SNAPC4: variants seen among roughly 807,000 people sequenced by gnomAD.
SNAPC4 encodes the protein snRNA-activating protein complex subunit 4.
A neutral mutation model predicts 151.3 loss-of-function variants in SNAPC4; 127 were observed. The observed-to-expected ratio is 0.84, with a 90% CI of 0.73 to 0.97. The LOEUF (loss-of-function observed/expected upper bound fraction) is 0.97. SNAPC4 is among the 50% of genes least tolerant of loss of function. SNAPC4 has a pLI of 0.00. For missense variants in SNAPC4, 2,186 were observed against 1,935.0 expected (o/e 1.13, Z -2.43); for synonymous variants, 1,002 against 824.4 (o/e 1.22, Z -3.69).
rs1305824830 is a variant in SNAPC4, at chr9:136,391,934, GC to G, written c.975+7del. ...TCCTGGCCCCTGGGGTCCAGGCCAG[GC>G]CCTTACCCCCAGCTCCTCTGCAATC... On this transcript the variant is annotated splice_region_variant and intron_variant, in intron 10 of 23. Coordinates refer to ENST00000684778, the MANE Select transcript of SNAPC4 (RefSeq NM_003086.4). 1 of 1,600,108 alleles carries G rather than the reference GC, an allele frequency of 6.2e-7. No individual in the cohort carries two copies. The highest frequency in any genetic ancestry group is 2.2e-5 in the East Asian group (1 of 44,876).
chr9:136,382,774 G>A (rs982632719), intron 16 of SNAPC4, among the ~76,000 whole-genome samples: 4 of 152,226 alleles, frequency 2.6e-5, no homozygotes, highest in Non-Finnish European at 5.9e-5. Flanking sequence ...ACACGGTGAA[G>A]ACCAGCCAAG....
intron 14 of SNAPC4, 119 bp downstream of exon 14, chr9:136,384,601 G>A (rs1321657529): frequency 2.0e-5 from 11 of 560,668 alleles, no homozygotes; most frequent in Non-Finnish European, 1.8e-5. Flanking sequence ...GTGGGCTATG[G>A]TCGCACCACC....
Position 136,384,920 on chromosome 9 carries a change from G to A in SNAPC4, c.1326-106C>T, listed in dbSNP as rs540443293. The A allele has an allele frequency of 3.0e-5, 18 of 590,360 alleles. 1 individual carries two copies. The South Asian group carries it at 3.7e-4, about 12-fold the overall frequency. 36.6% of individuals were successfully genotyped at this position (590,360 alleles called of 1,614,324 possible). On this transcript the variant is annotated intron_variant, in intron 13 of 23. Coordinates refer to ENST00000684778, the MANE Select transcript of SNAPC4 (RefSeq NM_003086.4). ...CTTGGATATGACACTAAAGGCGCAA[G>A]CAACAAAAGAAAACTACAGATAAAG...
At position 136,398,386 on chromosome 9, in the gene SNAPC4, T is replaced by C. The variant is rs899829197; in HGVS notation, c.43A>G (p.Lys15Glu). Residue 15 changes from lysine (K) to glutamate (E), a missense_variant, in exon 2 of 24, where the codon AAG becomes GAG. Physicochemically the swap from Lys to Glu is moderately conservative, Grantham distance 56. Coordinates refer to ENST00000684778, the MANE Select transcript of SNAPC4 (RefSeq NM_003086.4). Reference sequence around the variant, plus strand: ...GGATCCAAAATCCTTTCCAGCTCCTTGATCTCCTGTGTTATCTTCTCTCTT... The same window carrying C: ...GGATCCAAAATCCTTTCCAGCTCCTCGATCTCCTGTGTTATCTTCTCTCTT... ...AEREKITQEI[K>E]ELERILDPGS... The C allele has an allele frequency of 2.5e-6, 4 of 1,613,862 alleles. No homozygotes were observed. The African/African-American group carries it at 5.3e-5, about 22-fold the overall frequency.
At chr9:136,380,214 T>C (rs573017218) in intron 20 of SNAPC4, among the ~76,000 whole-genome samples, 105 of 151,962 alleles carry the variant, frequency 6.9e-4, no homozygotes, top group Non-Finnish European at 7.7e-4. Flanking sequence ...CCTGGCCTTG[T>C]TCCCCCTGCC....
intron 21 of SNAPC4, among the ~76,000 whole-genome samples, chr9:136,379,540 G>C (rs1243671603): frequency 6.6e-6 from 1 of 152,228 alleles, no homozygotes; most frequent in African/African-American, 2.4e-5. Flanking sequence ...TGCTGGCTGA[G>C]ATCAGCCGGC....
At position 136,382,278 on chromosome 9, in the gene SNAPC4, T is replaced by G; in HGVS notation, c.2042A>C (p.Asn681Thr). Residue 681 changes from asparagine (N) to threonine (T), a missense_variant, in exon 17 of 24, where the codon AAC becomes ACC. Asn to Thr is a moderately conservative substitution (Grantham distance 65). Transcript: ENST00000684778. ...VETVLRVLRA[N>T]TAARSCTQKE... Reference sequence around the variant, plus strand: ...CTGTGTGCAGCTCCGAGCAGCCGTGTTGGCCCTGAGCACCCTCAGCACGGT... The same window carrying G: ...CTGTGTGCAGCTCCGAGCAGCCGTGGTGGCCCTGAGCACCCTCAGCACGGT... 3 of 1,612,982 alleles carry G rather than the reference T, an allele frequency of 1.9e-6. No homozygotes were observed. The highest frequency in any genetic ancestry group is 2.5e-6 in the Non-Finnish European group (3 of 1,179,926).
chr9:136,378,046 G>A lies in SNAPC4; in HGVS notation c.3781C>T (p.Gln1261Ter). ...ALDLEKPPLPQPGPEKGALDL... is the reference protein window; with the variant it reads ...ALDLEKPPLP ...AGGGCCCCCTTCTCAGGCCCAGGCT[G>A]GGGTAGGGGCGGCTTCTCCAGGTCC... Residue 1261 changes from glutamine to a stop codon, truncating the protein, a stop_gained, in exon 22 of 24, where the codon CAG (glutamine) becomes TAG (stop). Coordinates refer to ENST00000684778, the MANE Select transcript of SNAPC4 (RefSeq NM_003086.4). LOFTEE classifies it high-confidence loss of function. 3 of 1,583,588 alleles carry A rather than the reference G, an allele frequency of 1.9e-6. No homozygotes were observed. The highest frequency in any genetic ancestry group is 2.6e-6 in the Non-Finnish European group (3 of 1,165,750).
At chr9:136,393,392 G>T (rs1013111943) in intron 7 of SNAPC4, among the ~76,000 whole-genome samples, 20 of 152,228 alleles carry the variant, frequency 1.3e-4, no homozygotes, top group African/African-American at 4.8e-4. Flanking sequence ...GAAGACAGAT[G>T]GGGACCTGCT....
rs200938695 is a variant in SNAPC4, at chr9:136,378,199, C to G, written c.3628G>C (p.Gly1210Arg). ...PPWSGRLPAFGGVIPATEPRG... is the reference protein window; with the variant it reads ...PPWSGRLPAFRGVIPATEPRG... ...GGCTCAGTTGCTGGGATGACACCAC[C>G]GAAGGCTGGCAGCCTCCCGGACCAA... The change falls in exon 22 of 24, where the codon GGT becomes CGT. Residue 1210 changes from glycine (G) to arginine (R), a missense_variant. Gly to Arg is a moderately radical substitution (Grantham distance 125). Coordinates refer to ENST00000684778, the MANE Select transcript of SNAPC4 (RefSeq NM_003086.4). 22 of 1,612,100 alleles carry G rather than the reference C, an allele frequency of 1.4e-5. No homozygotes were observed. The South Asian group carries it at 2.2e-4, about 16-fold the overall frequency.
At position 136,387,860 on chromosome 9, in the gene SNAPC4, G is replaced by A. The variant is rs370652473; in HGVS notation, c.1124-12C>T. On this transcript the variant is annotated splice_polypyrimidine_tract_variant and intron_variant, in intron 11 of 23. Coordinates refer to ENST00000684778, the MANE Select transcript of SNAPC4 (RefSeq NM_003086.4). ...CATATAGTAGACAACTAGGGACAGA[G>A]GAACAGGGAGGTCCTGTGGGGCCGA... The A allele has an allele frequency of 9.1e-6, 13 of 1,435,088 alleles. No homozygotes were observed. Among genetic ancestry groups the A allele is most frequent in the African/African-American group, 7.0e-5 (5 of 71,196 alleles). 88.9% of individuals were successfully genotyped at this position (1,435,088 alleles called of 1,614,324 possible).
At position 136,384,312 on chromosome 9, in the gene SNAPC4, T is replaced by A. The variant is rs138840467; in HGVS notation, c.1421-280A>T. Among the ~76,000 whole-genome samples the A allele has an allele frequency of 6.6e-5, 10 of 152,274 alleles. No homozygotes were observed. The East Asian group carries it at 1.9e-3, about 29-fold the overall frequency. Reference sequence around the variant, plus strand: ...CTCACATATCTGCTCCCCCCAGGCTTCCGCACCAGCCACCTCCCACGATTC... The same window carrying A: ...CTCACATATCTGCTCCCCCCAGGCTACCGCACCAGCCACCTCCCACGATTC... On this transcript the variant is annotated intron_variant, in intron 14 of 23. Coordinates refer to ENST00000684778, the MANE Select transcript of SNAPC4 (RefSeq NM_003086.4).
At position 136,385,530 on chromosome 9, in the gene SNAPC4, G is replaced by A. The variant is rs373618883; in HGVS notation, c.1326-716C>T. Among the ~76,000 whole-genome samples, 47 of 151,730 alleles carry A rather than the reference G, an allele frequency of 3.1e-4. No individual in the cohort carries two copies. The East Asian group carries it at 5.0e-3, about 16-fold the overall frequency. ...ATGTTGTATCAGAATTTACAGAAACGCGGTATTTATATGAGAATCCCACTC... is the reference window on the plus strand; with the variant it reads ...ATGTTGTATCAGAATTTACAGAAACACGGTATTTATATGAGAATCCCACTC... On this transcript the variant is annotated intron_variant, in intron 13 of 23. Coordinates refer to ENST00000684778, the MANE Select transcript of SNAPC4 (RefSeq NM_003086.4).
At chr9:136,377,161 A>G (rs1013602761) in intron 22 of SNAPC4, among the ~76,000 whole-genome samples, 4 of 151,924 alleles carry the variant, frequency 2.6e-5, no homozygotes, top group Non-Finnish European at 5.9e-5. Context: ...CACAGCCACC[A>G]CCCTCCACTG....
At chr9:136,392,645 CT>C (rs1834120459) in intron 8 of SNAPC4, 27 bp downstream of exon 8, 3 of 1,612,036 alleles carry the variant, frequency 1.9e-6, no homozygotes, top group Middle Eastern at 1.6e-4. Context: ...GTGGGCTCCC[CT>C]GGGCCCTCCC....
Position 136,381,365 on chromosome 9 carries a change from T to C in SNAPC4, c.2345A>G (p.Gln782Arg). 6.2e-7 allele frequency: 1 copy of C among 1,612,700 alleles called. No homozygotes were observed. Among genetic ancestry groups the C allele is most frequent in the Non-Finnish European group, 8.5e-7 (1 of 1,179,802 alleles). Residue 782 changes from glutamine (Q) to arginine (R), a missense_variant, in exon 19 of 24, where the codon CAG becomes CGG. Coordinates refer to ENST00000684778, the MANE Select transcript of SNAPC4 (RefSeq NM_003086.4). ...QADGLREQLQ[Q>R]ARLASTPVFT... is the part of the protein sequence containing the mutation. Reference sequence around the variant, plus strand: ...CACAGGGGTGCTGGCCAGGCGGGCCTGCTGCAGCTGCTCCCTGAGGCCATC... The same window carrying C: ...CACAGGGGTGCTGGCCAGGCGGGCCCGCTGCAGCTGCTCCCTGAGGCCATC...
rs924687192 is a variant in SNAPC4, at chr9:136,378,074, G to A, written c.3753C>T (p.Ala1251=). ...GTAGGGGCGGCTTCTCCAGGTCCAG[G>A]GCCCCCTTCTCAGGCCCAGGCTGGC... The part of the protein sequence containing the change: ...PLRQPGPEKG[A]LDLEKPPLPQ... Residue 1251 remains alanine (A), a synonymous_variant, in exon 22 of 24, where the codon GCC becomes GCT. Transcript: ENST00000684778. The A allele has an allele frequency of 1.9e-6, 3 of 1,579,176 alleles. No individual in the cohort carries two copies. Among genetic ancestry groups the A allele is most frequent in the African/African-American group, 2.7e-5 (2 of 74,030 alleles).
Position 136,383,761 on chromosome 9 carries a change from G to A in SNAPC4, c.1501-93C>T. ...GCCAGCCCTTTGGGGAGAGGCCCAAGCGGGGGCGCCTCCGGGGTCAAGAGC... is the reference window on the plus strand; with the variant it reads ...GCCAGCCCTTTGGGGAGAGGCCCAAACGGGGGCGCCTCCGGGGTCAAGAGC... On this transcript the variant is annotated intron_variant, in intron 15 of 23. Coordinates refer to ENST00000684778, the MANE Select transcript of SNAPC4 (RefSeq NM_003086.4). The surrounding 1 kb of genome is among the most constrained non-coding windows in gnomAD (Gnocchi z 4.2). 2 of 1,503,002 alleles carry A rather than the reference G, an allele frequency of 1.3e-6. No individual in the cohort carries two copies. The highest frequency in any genetic ancestry group is 1.3e-5 in the South Asian group (1 of 78,940). The allele number at this position is 1,503,002 out of a possible 1,614,324, so 93.1% of individuals were successfully genotyped here.
intron 13 of SNAPC4, among the ~76,000 whole-genome samples, chr9:136,386,623 G>A (rs1462875339): frequency 4.0e-5 from 6 of 151,758 alleles, no homozygotes; most frequent in East Asian, 1.9e-4. Context: ...TAGTAGAGAC[G>A]GGGTTTCTCC....
Sources: allele counts gnomAD v4.1 joint callset (sites outside exome capture counted in the v4.1 genomes callset), GRCh38; gene constraint gnomAD v4.1.1; non-coding constraint Gnocchi (gnomAD v3.1); transcripts MANE v1.5; gene names NCBI Gene and HGNC (gene_info 2026-07-23, HGNC 2026-07-21).